The following PFKFB3 variants were observed in gnomAD, a reference collection of about 807,000 sequenced individuals.
The protein encoded by PFKFB3 is 6-phosphofructo-2-kinase/fructose-2,6-biphosphatase 3, also known as 6-phosphofructo-2-kinase/fructose-2,6-bisphosphatase 3.
Under a neutral mutation model 68.0 loss-of-function variants are expected in PFKFB3, and 33 were observed. The ratio of observed to expected loss-of-function variants is 0.49; its 90% CI spans 0.37 to 0.65. The LOEUF is 0.65. Among genes scored for constraint, PFKFB3 ranks in the 30% least tolerant of loss-of-function variants. The probability of loss-of-function intolerance (pLI) is 0.00; values close to 1 mark genes in which losing one functional copy is unlikely to be tolerated. For synonymous variants in PFKFB3, 315 were observed against 288.2 expected (o/e 1.09, Z -0.94); for missense variants, 586 against 712.2 (o/e 0.82, Z 2.02).
At chr10:6,310,658 A>T in the PFKFB3 span, among the ~76,000 whole-genome samples, 1 of 152,194 alleles carries the variant, frequency 6.6e-6, no homozygotes, top group Non-Finnish European at 1.5e-5. Flanking sequence ...TTATTTTTTT[A>T]AAAGCAACAT....
At chr10:6,155,206 T>TTTTC (rs61112011) in intron 1 of PFKFB3, among the ~76,000 whole-genome samples, 11,198 of 37,698 alleles carry the variant, frequency 0.3, 567 homozygotes, top group Non-Finnish European at 0.47. Context: ...AGTTTTTTTC[T>TTTTC]TTTTTTTTTT....
chr10:6,286,242 G>T, the PFKFB3 span, among the ~76,000 whole-genome samples: 1 of 152,098 alleles, frequency 6.6e-6, no homozygotes, highest in African/African-American at 2.4e-5. Flanking sequence ...CTCCCAAAGT[G>T]CTGGGATTAC....
the PFKFB3 span, among the ~76,000 whole-genome samples, chr10:6,299,968 C>CTTTTT: frequency 2.5e-4 from 12 of 48,596 alleles, no homozygotes; most frequent in East Asian, 8.5e-4. Flanking sequence ...GTTCAGAAGA[C>CTTTTT]TTTTTTTTTT....
chr10:6,187,672 A>G (rs1842907813), intron 1 of PFKFB3, among the ~76,000 whole-genome samples: 1 of 152,240 alleles, frequency 6.6e-6, no homozygotes, highest in Admixed American at 6.5e-5. Flanking sequence ...TTTATTCAAA[A>G]TAGAATTTTT....
chr10:6,171,419 A>G lies in PFKFB3; in HGVS notation c.16+26406A>G, dbSNP rs186147996. Among the ~76,000 whole-genome samples, 120 of 139,808 alleles carry G rather than the reference A, an allele frequency of 8.6e-4. No individual in the cohort carries two copies. In the South Asian group the frequency reaches 0.011, roughly 13 times the overall value. 91.7% of individuals were successfully genotyped at this position (139,808 alleles called of 152,430 possible). ...TTCTTTCTTTTTTTTTTTTTTGGAGACTGTCTCGTTCTGTTGCTCGGGTTG... is the reference window on the plus strand; with the variant it reads ...TTCTTTCTTTTTTTTTTTTTTGGAGGCTGTCTCGTTCTGTTGCTCGGGTTG... On this transcript the variant is annotated intron_variant, in intron 1 of 14. Transcript: ENST00000379789.
chr10:6,269,680 C>G, the PFKFB3 span, among the ~76,000 whole-genome samples: 1 of 152,086 alleles, frequency 6.6e-6, no homozygotes, highest in African/African-American at 2.4e-5. Context: ...GGCAGTAAGA[C>G]TTAACTCTTC....
At chr10:6,270,501 T>C in the PFKFB3 span, among the ~76,000 whole-genome samples, 6 of 152,186 alleles carry the variant, frequency 3.9e-5, no homozygotes, top group Non-Finnish European at 7.3e-5. Context: ...ATCTGGTTCT[T>C]GCCTGTCTCT....
downstream of PFKFB3, among the ~76,000 whole-genome samples, chr10:6,255,059 G>A (rs11257588): frequency 5.4e-4 from 80 of 149,356 alleles, 1 homozygote; most frequent in East Asian, 0.013. Flanking sequence ...TCAAGTGATC[G>A]GCCCACCTCG....
chr10:6,270,878 C>G, the PFKFB3 span, among the ~76,000 whole-genome samples: 1 of 152,186 alleles, frequency 6.6e-6, no homozygotes, highest in Admixed American at 6.5e-5. Flanking sequence ...GCACTCTCTT[C>G]CCAAGATCTA....
the PFKFB3 span, among the ~76,000 whole-genome samples, chr10:6,268,497 C>T: frequency 2.6e-5 from 4 of 151,958 alleles, no homozygotes; most frequent in African/African-American, 9.7e-5. Context: ...TGTTTGCGTG[C>T]ACCTGTAATC....
the PFKFB3 span, among the ~76,000 whole-genome samples, chr10:6,286,578 A>G: frequency 1.3e-5 from 2 of 150,252 alleles, no homozygotes; most frequent in East Asian, 2.0e-4. Flanking sequence ...GGGTCTCACT[A>G]TGTTCGCCAG....
the PFKFB3 span, among the ~76,000 whole-genome samples, chr10:6,290,237 C>G: frequency 2.0e-5 from 3 of 151,868 alleles, no homozygotes; most frequent in Non-Finnish European, 4.4e-5. Context: ...ACTTCCAACA[C>G]TATGTTGAAT....
the PFKFB3 span, among the ~76,000 whole-genome samples, chr10:6,267,954 CAAAAAA>C: frequency 2.3e-5 from 2 of 85,912 alleles, no homozygotes; most frequent in Non-Finnish European, 4.4e-5. Context: ...GACCCTATCT[CAAAAAA>C]AAAAAAAAAA....
rs757395169 is a variant in PFKFB3, at chr10:6,215,217, A to G, written c.203-4A>G. 2 of 1,612,972 alleles carry G rather than the reference A, an allele frequency of 1.2e-6. No homozygotes were observed. The highest frequency in any genetic ancestry group is 4.5e-5 in the East Asian group (2 of 44,880). On this transcript the variant is annotated splice_polypyrimidine_tract_variant and splice_region_variant and intron_variant, in intron 2 of 14. Transcript: ENST00000379775. This position sits in a 1 kb window ranked among gnomAD's most constrained non-coding sequence, Gnocchi z 4.3. ...ATCCAGACTGTTCTCTTTCCCGTCC[A>G]CAGTGTTCAACGTCGGGGAGTATCG...
chr10:6,279,524 G>A, the PFKFB3 span, among the ~76,000 whole-genome samples: 1 of 149,606 alleles, frequency 6.7e-6, no homozygotes, highest in Non-Finnish European at 1.5e-5. Context: ...TGATGTATGA[G>A]CACTTAGAAG....
chr10:6,203,611 C>T (rs1564616118), intron 1 of PFKFB3, among the ~76,000 whole-genome samples: 4 of 151,812 alleles, frequency 2.6e-5, no homozygotes, highest in Admixed American at 2.6e-4. Flanking sequence ...CCTGGGCAGG[C>T]CAGGGAGGGG....
chr10:6,229,537 T>A lies in PFKFB3; in HGVS notation c.1515+3172T>A, dbSNP rs906021515. The stretch of plus-strand genomic sequence containing the variant: ...CCACAGCCACCCCCTTGCAGCTGCT[T>A]CCCACAGCCAGGCTTTGCTTACCTA... On this transcript the variant is annotated intron_variant, in intron 14 of 14. Transcript: ENST00000379775. This position sits in a 1 kb window ranked among gnomAD's most constrained non-coding sequence, Gnocchi z 4.3. Among the ~76,000 whole-genome samples the A allele has an allele frequency of 2.0e-5, 3 of 152,118 alleles. No homozygotes were observed. Among genetic ancestry groups the A allele is most frequent in the Non-Finnish European group, 4.4e-5 (3 of 68,022 alleles).
the PFKFB3 span, among the ~76,000 whole-genome samples, chr10:6,302,711 T>C: frequency 2.6e-5 from 4 of 151,332 alleles, no homozygotes; most frequent in African/African-American, 9.7e-5. Context: ...CCTATCTTCC[T>C]TTCTGGTGGG....
At chr10:6,245,402 T>TTTATTATTG (rs1846232894) in intron 14 of PFKFB3, among the ~76,000 whole-genome samples, 1 of 147,038 alleles carries the variant, frequency 6.8e-6, no homozygotes, top group African/African-American at 2.5e-5. Context: ...GCCTATTTGA[T>TTTATTATTG]TTATTATTAT....
Sources: allele counts gnomAD v4.1 joint callset (sites outside exome capture counted in the v4.1 genomes callset), GRCh38; gene constraint gnomAD v4.1.1; non-coding constraint Gnocchi (gnomAD v3.1); transcripts MANE v1.5; gene names NCBI Gene and HGNC (gene_info 2026-07-23, HGNC 2026-07-21).